PXDNL: variants seen among roughly 807,000 people sequenced by gnomAD.
PXDNL encodes the protein probable oxidoreductase PXDNL.
In PXDNL, 145 loss-of-function variants were observed where a neutral mutation model predicts 150.8. The ratio of observed to expected loss-of-function variants is 0.96; its 90% CI spans 0.84 to 1.10. The LOEUF is 1.10. PXDNL is among the 50% of genes least tolerant of loss of function. PXDNL has a pLI of 0.00. For synonymous variants in PXDNL, 757 were observed against 725.7 expected (o/e 1.04, Z -0.69); for missense variants, 2,087 against 1,873.9 (o/e 1.11, Z -2.10).
At chr8:51,735,064 A>G (rs1025314520) in intron 1 of PXDNL, among the ~76,000 whole-genome samples, 2 of 152,256 alleles carry the variant, frequency 1.3e-5, no homozygotes, top group African/African-American at 4.8e-5. Context: ...CATCACAAAA[A>G]AGATAAGTAT....
intron 20 of PXDNL, 73 bp from the exon 21 acceptor site, chr8:51,339,826 C>G: frequency 1.3e-6 from 2 of 1,483,358 alleles, no homozygotes; most frequent in Non-Finnish European, 1.8e-6. Flanking sequence ...ATCATCAAAT[C>G]TTCTTTGGTC....
chr8:51,452,549 T>C (rs954470485), intron 10 of PXDNL, among the ~76,000 whole-genome samples: 1 of 152,210 alleles, frequency 6.6e-6, no homozygotes, highest in African/African-American at 2.4e-5. Flanking sequence ...GGAAGCCTTG[T>C]GCTTTGTGGG....
chr8:51,709,021 A>T (rs1456234346), intron 1 of PXDNL, among the ~76,000 whole-genome samples: 1 of 152,130 alleles, frequency 6.6e-6, no homozygotes, highest in Non-Finnish European at 1.5e-5. Flanking sequence ...GAAGACGAGC[A>T]GACTGCTAAG....
Position 51,453,695 on chromosome 8 carries a change from T to C in PXDNL, c.1073A>G (p.His358Arg), listed in dbSNP as rs1563418999. The C allele has an allele frequency of 6.2e-7, 1 of 1,613,968 alleles. No individual in the cohort carries two copies. The highest frequency in any genetic ancestry group is 1.3e-5 in the African/African-American group (1 of 75,034). Residue 358 changes from histidine (H) to arginine (R), a missense_variant, in exon 10 of 23, where the codon CAC (histidine) becomes CGC (arginine). Transcript: ENST00000356297. ...TLECMATGHPHPLITWTRDNG... is the reference protein window; with the variant it reads ...TLECMATGHPRPLITWTRDNG... ...GTCCCTGGTCCAAGTGATAAGAGGG[T>C]GTGGGTGGCCTGTGGCCATACATTC...
intron 1 of PXDNL, among the ~76,000 whole-genome samples, chr8:51,666,751 T>A (rs1365100520): frequency 6.6e-6 from 1 of 152,202 alleles, no homozygotes; most frequent in Non-Finnish European, 1.5e-5. Flanking sequence ...GTCCCATGCC[T>A]GCATAATCAC....
At chr8:51,429,774 A>G (rs567129947) in intron 12 of PXDNL, among the ~76,000 whole-genome samples, 95 of 149,178 alleles carry the variant, frequency 6.4e-4, no homozygotes, top group African/African-American at 2.1e-3. Context: ...CTTTCATCAT[A>G]TCTTTCTTGT....
Position 51,600,286 on chromosome 8 carries a change from ATAT to A in PXDNL, c.237-7591_237-7589del, listed in dbSNP as rs1282783293. Among the ~76,000 whole-genome samples the A allele has an allele frequency of 1.5e-4, 15 of 101,658 alleles. 2 individuals carry two copies. The highest frequency in any genetic ancestry group is 6.0e-4 in the African/African-American group (15 of 24,878). 66.7% of individuals were successfully genotyped at this position (101,658 alleles called of 152,430 possible). A position where few individuals can be genotyped will look rare whatever the true frequency, so the allele number is the denominator to read the frequency against. ...AATTATATCGTTTAGATAATAAATT[ATAT>A]CTTATATAAATTATATGGTTTAGAT... On this transcript the variant is annotated intron_variant, in intron 2 of 22. Transcript: ENST00000356297.
chr8:51,478,154 AG>A (rs1810524140), intron 6 of PXDNL, among the ~76,000 whole-genome samples: 1 of 152,182 alleles, frequency 6.6e-6, no homozygotes, highest in African/African-American at 2.4e-5. Flanking sequence ...TTGAAAACCA[AG>A]GAGCAATAGA....
At chr8:51,569,756 T>A (rs1378043925) in intron 3 of PXDNL, among the ~76,000 whole-genome samples, 1 of 151,938 alleles carries the variant, frequency 6.6e-6, no homozygotes. Context: ...ACTGTAAATC[T>A]AAAATCAAAT....
intron 4 of PXDNL, among the ~76,000 whole-genome samples, chr8:51,511,007 C>T (rs750031788): frequency 4.6e-5 from 7 of 152,050 alleles, no homozygotes; most frequent in African/African-American, 1.2e-4. Context: ...AGGATGCTAT[C>T]GTGGTCTAGG....
chr8:51,343,128 T>TA (rs1806039682), intron 20 of PXDNL, among the ~76,000 whole-genome samples: 1 of 152,000 alleles, frequency 6.6e-6, no homozygotes, highest in Admixed American at 6.6e-5. Flanking sequence ...ATATTGCTTA[T>TA]AAAAAAAGAC....
chr8:51,483,541 C>G lies in PXDNL; in HGVS notation c.524+102G>C, dbSNP rs868367922. 1.5e-5 allele frequency: 11 copies of G among 750,950 alleles called. No homozygotes were observed. The Middle Eastern group carries it at 6.8e-4, about 47-fold the overall frequency. The allele number at this position is 750,950 out of a possible 1,614,324, so 46.5% of individuals were successfully genotyped here. A position where few individuals can be genotyped will look rare whatever the true frequency, so the allele number is the denominator to read the frequency against. On this transcript the variant is annotated intron_variant, in intron 6 of 22. Transcript: ENST00000356297. ...CCCTAACATGCTAGAATTGCAATGT[C>G]TTTCACAGGAAAAGCAGGAGAAGGC... is the stretch of plus-strand genomic sequence containing the variant.
intron 2 of PXDNL, among the ~76,000 whole-genome samples, chr8:51,636,848 T>C (rs748798285): frequency 6.6e-6 from 1 of 152,016 alleles, no homozygotes; most frequent in Admixed American, 6.6e-5. Flanking sequence ...TGAGTAGTGG[T>C]TCTCCCAGCA....
intron 17 of PXDNL, among the ~76,000 whole-genome samples, chr8:51,392,014 G>T (rs1458067047): frequency 6.6e-6 from 1 of 152,178 alleles, no homozygotes; most frequent in Admixed American, 6.5e-5. Flanking sequence ...CCCATTGCTT[G>T]TTTTTCTCAG....
Position 51,376,629 on chromosome 8 carries a change from T to C in PXDNL, c.3558-1898A>G, listed in dbSNP as rs558170436. On this transcript the variant is annotated intron_variant, in intron 17 of 22. Transcript: ENST00000356297. ...TTCTGGTTGGGTAGCATACTCTTCT[T>C]TCACTACAGGGAAGTGCAGTCTTTT... Among the ~76,000 whole-genome samples the C allele has an allele frequency of 2.0e-5, 3 of 152,268 alleles. No individual in the cohort carries two copies. The East Asian group carries it at 5.8e-4, about 29-fold the overall frequency.
rs1205390071 is a variant in PXDNL, at chr8:51,565,309, AATAAATAAATAAATAGATAGATAG to A, written c.309-8422_309-8399del. ...AAATAAATAAATAAATAAATAAATAAATAAATAAATAAATAGATAGATAGATAGATAGATAAATAAATAAATACA... is the reference window on the plus strand; with the variant it reads ...AAATAAATAAATAAATAAATAAATAAATAGATAGATAAATAAATAAATACA... On this transcript the variant is annotated intron_variant, in intron 3 of 22. Coordinates refer to ENST00000356297, the MANE Select transcript of PXDNL (RefSeq NM_144651.5). Among the ~76,000 whole-genome samples the A allele has an allele frequency of 1.0e-3, 136 of 135,778 alleles. 1 individual carries two copies. The highest frequency in any genetic ancestry group is 4.2e-3 in the African/African-American group (129 of 30,462). The allele number at this position is 135,778 out of a possible 152,430, so 89.1% of individuals were successfully genotyped here.
intron 4 of PXDNL, among the ~76,000 whole-genome samples, chr8:51,525,134 C>A (rs565787233): frequency 1.3e-5 from 2 of 151,126 alleles, no homozygotes; most frequent in African/African-American, 4.9e-5. Context: ...AAAAAAAAAT[C>A]TCTTTAAAAT....
chr8:51,596,684 G>T (rs916489889), intron 2 of PXDNL, among the ~76,000 whole-genome samples: 3 of 152,036 alleles, frequency 2.0e-5, no homozygotes, highest in African/African-American at 7.2e-5. Flanking sequence ...TCATACATTT[G>T]TTGGCCACAT....
At chr8:51,335,518 T>C (rs1157983947) in intron 21 of PXDNL, among the ~76,000 whole-genome samples, 11 of 152,174 alleles carry the variant, frequency 7.2e-5, no homozygotes, top group Admixed American at 7.2e-4. Flanking sequence ...GCTCCAACAG[T>C]TGTGAGAATC....
Sources: gnomAD v4.1 joint callset for allele counts (sites outside exome capture counted in the v4.1 genomes callset) on GRCh38, gnomAD v4.1.1 for gene constraint, MANE v1.5 for transcripts, NCBI Gene and HGNC (gene_info 2026-07-23, HGNC 2026-07-21) for gene names.